The following EXOC6B variants were observed in gnomAD, a reference collection of about 807,000 sequenced individuals.
EXOC6B encodes SEC15 homolog B.
In EXOC6B, 54 loss-of-function variants were observed where a neutral mutation model predicts 113.5. The ratio of observed to expected loss-of-function variants is 0.48; its 90% CI spans 0.38 to 0.60. The LOEUF (loss-of-function observed/expected upper bound fraction) is 0.60. EXOC6B is among the 20% of genes least tolerant of loss of function. The probability of loss-of-function intolerance (pLI) is 0.00; values close to 1 mark genes in which losing one functional copy is unlikely to be tolerated. For synonymous variants in EXOC6B, 357 were observed against 339.0 expected (o/e 1.05, Z -0.58); for missense variants, 797 against 977.5 (o/e 0.82, Z 2.46).
At chr2:72,599,922 C>G (rs1042250445) in intron 6 of EXOC6B, among the ~76,000 whole-genome samples, 2 of 151,924 alleles carry the variant, frequency 1.3e-5, no homozygotes, top group East Asian at 1.9e-4. Flanking sequence ...AAGAGGTATT[C>G]CATGTTCATT....
chr2:72,592,743 C>T (rs964784256), intron 6 of EXOC6B, among the ~76,000 whole-genome samples: 4 of 152,124 alleles, frequency 2.6e-5, no homozygotes, highest in African/African-American at 9.7e-5. Context: ...AGAGGTGATG[C>T]GAGCATCTTT....
At chr2:72,380,467 A>G (rs902028597) in intron 18 of EXOC6B, among the ~76,000 whole-genome samples, 43 of 152,012 alleles carry the variant, frequency 2.8e-4, no homozygotes, top group Non-Finnish European at 4.4e-5. Context: ...GTGAAACCCA[A>G]TCTCTACTAA....
chr2:72,825,729 G>A lies in EXOC6B; in HGVS notation c.113+69C>T, dbSNP rs985803717. The A allele has an allele frequency of 6.8e-7, 1 of 1,468,054 alleles. No individual in the cohort carries two copies. The allele number at this position is 1,468,054 out of a possible 1,614,324, so 90.9% of individuals were successfully genotyped here. A position where few individuals can be genotyped will look rare whatever the true frequency, so the allele number is the denominator to read the frequency against. On this transcript the variant is annotated intron_variant, in intron 1 of 21. Transcript: ENST00000272427. The surrounding 1 kb of genome is among the most constrained non-coding windows in gnomAD (Gnocchi z 4.4). ...CGGACCTGGGGACAGCCGGCCGGAG[G>A]CCCGACCCAGAGGAGCCTGCCCCGT...
chr2:72,657,092 C>T (rs750351318), intron 6 of EXOC6B, among the ~76,000 whole-genome samples: 6 of 152,076 alleles, frequency 3.9e-5, no homozygotes, highest in Non-Finnish European at 7.4e-5. Flanking sequence ...CTCAGGTGAT[C>T]CGACCGCCTT....
At chr2:72,543,296 C>A (rs557430905) in intron 8 of EXOC6B, among the ~76,000 whole-genome samples, 1 of 152,252 alleles carries the variant, frequency 6.6e-6, no homozygotes, top group South Asian at 2.1e-4. Context: ...ATTTTAAGCA[C>A]TGTCTTGATA....
chr2:72,466,717 T>C (rs1698079746), intron 17 of EXOC6B, among the ~76,000 whole-genome samples: 3 of 152,224 alleles, frequency 2.0e-5, no homozygotes, highest in Non-Finnish European at 2.9e-5. Flanking sequence ...TTTTGAAATA[T>C]GTATACACTG....
rs184579658 is a variant in EXOC6B, at chr2:72,457,469, G to A, written c.1980+7691C>T. On this transcript the variant is annotated intron_variant, in intron 18 of 21. Coordinates refer to ENST00000272427, the MANE Select transcript of EXOC6B (RefSeq NM_015189.3). ...CACGCTTAACCCACAAACCAAGGTC[G>A]GCTATGAGAGATCTTGCCCTATGTC... Among the ~76,000 whole-genome samples, 40 of 152,068 alleles carry A rather than the reference G, an allele frequency of 2.6e-4. 1 individual carries two copies. The highest frequency in any genetic ancestry group is 2.0e-3 in the Admixed American group (31 of 15,228).
At chr2:72,230,858 A>G (rs1317028185) in intron 20 of EXOC6B, among the ~76,000 whole-genome samples, 4 of 152,226 alleles carry the variant, frequency 2.6e-5, no homozygotes, top group South Asian at 2.1e-4. Flanking sequence ...GCAAGGAACA[A>G]TATGAATGGA....
intron 20 of EXOC6B, among the ~76,000 whole-genome samples, chr2:72,265,377 A>G (rs866138783): frequency 1.3e-5 from 2 of 149,352 alleles, no homozygotes; most frequent in Middle Eastern, 3.5e-3. Flanking sequence ...AGCATTAGGT[A>G]TATCTCCTAA....
intron 1 of EXOC6B, among the ~76,000 whole-genome samples, chr2:72,756,556 C>T (rs1257064646): frequency 6.6e-6 from 1 of 152,184 alleles, no homozygotes; most frequent in African/African-American, 2.4e-5. Context: ...TTTATTACTG[C>T]ACTATCATCC....
rs568448698 is a variant in EXOC6B, at chr2:72,825,975, A to G, written c.-65T>C. ...CGGCTCACCTTTTCCCTGCCCCACA[A>G]TGCCGCTCCCACCACAGGCTCCACA... On this transcript the variant is annotated 5_prime_UTR_variant, in exon 1 of 22. Transcript: ENST00000272427. This position sits in a 1 kb window ranked among gnomAD's most constrained non-coding sequence, Gnocchi z 4.4. The G allele has an allele frequency of 2.3e-4, 359 of 1,576,434 alleles. 1 individual carries two copies. The African/African-American group carries it at 4.2e-3, about 18-fold the overall frequency.
At chr2:72,770,943 G>A (rs1573769961) in intron 1 of EXOC6B, among the ~76,000 whole-genome samples, 1 of 151,952 alleles carries the variant, frequency 6.6e-6, no homozygotes, top group Admixed American at 6.6e-5. Context: ...CTTCCCCCTC[G>A]CCCCCAGAAA....
At chr2:72,432,619 T>C (rs1449108567) in intron 18 of EXOC6B, among the ~76,000 whole-genome samples, 1 of 152,196 alleles carries the variant, frequency 6.6e-6, no homozygotes, top group African/African-American at 2.4e-5. Flanking sequence ...ATCCCCATTC[T>C]AACTGGCATG....
intron 6 of EXOC6B, among the ~76,000 whole-genome samples, chr2:72,679,863 A>C (rs1255749872): frequency 6.6e-6 from 1 of 152,256 alleles, no homozygotes; most frequent in African/African-American, 2.4e-5. Context: ...CACGGATTAG[A>C]GGTTAAGAGC....
intron 20 of EXOC6B, among the ~76,000 whole-genome samples, chr2:72,286,192 AT>A (rs1329094649): frequency 6.6e-6 from 1 of 152,230 alleles, no homozygotes; most frequent in Non-Finnish European, 1.5e-5. Context: ...AAATCTGCAC[AT>A]GAATGTTTAT....
intron 20 of EXOC6B, among the ~76,000 whole-genome samples, chr2:72,201,309 TAC>T (rs1209805205): frequency 6.6e-6 from 1 of 152,188 alleles, no homozygotes; most frequent in African/African-American, 2.4e-5. Flanking sequence ...TGGAAATTTG[TAC>T]AGTTGTGTTT....
intron 8 of EXOC6B, among the ~76,000 whole-genome samples, chr2:72,536,134 T>C (rs542035343): frequency 9.8e-5 from 15 of 152,306 alleles, no homozygotes; most frequent in South Asian, 4.1e-4. Flanking sequence ...CATGCAGTCT[T>C]GCTATTTTTA....
intron 6 of EXOC6B, among the ~76,000 whole-genome samples, chr2:72,651,720 C>T (rs1048959380): frequency 6.6e-6 from 1 of 152,106 alleles, no homozygotes. Context: ...CTCAGCCTCC[C>T]GAGTAGCTGG....
intron 20 of EXOC6B, among the ~76,000 whole-genome samples, chr2:72,261,678 C>T (rs889628328): frequency 1.3e-5 from 2 of 152,106 alleles, no homozygotes; most frequent in Non-Finnish European, 2.9e-5. Context: ...TCCTAGTTAG[C>T]AACGCAAAAG....
Sources: allele counts gnomAD v4.1 joint callset (sites outside exome capture counted in the v4.1 genomes callset), GRCh38; gene constraint gnomAD v4.1.1; non-coding constraint Gnocchi (gnomAD v3.1); transcripts MANE v1.5; gene names NCBI Gene and HGNC (gene_info 2026-07-23, HGNC 2026-07-21).